Variants in LRRIQ1 observed in about 807,000 individuals in gnomAD.
LRRIQ1 encodes leucine rich repeats and IQ motif containing 1.
In LRRIQ1, 210 loss-of-function variants were observed where a neutral mutation model predicts 211.9. The observed-to-expected ratio is 0.99, with a 90% CI of 0.89 to 1.11. The LOEUF (loss-of-function observed/expected upper bound fraction) is 1.11, where lower values mean the gene tolerates loss of function less well. LRRIQ1 is among the 50% of genes most tolerant of loss of function. LRRIQ1 has a pLI of 0.00. For missense variants in LRRIQ1, 2,136 were observed against 1,939.5 expected, an observed-to-expected ratio of 1.10 and a Z score of -1.90; for synonymous variants, 699 against 650.1, an observed-to-expected ratio of 1.08 and a Z score of -1.14.
chr12:85,211,007 C>T (rs1592975548), intron 24 of LRRIQ1, among the ~76,000 whole-genome samples: 1 of 152,182 alleles, frequency 6.6e-6, no homozygotes, highest in South Asian at 2.1e-4. Flanking sequence ...CTTCACTTTA[C>T]CTTTGTAGAA....
At chr12:85,160,855 A>T in intron 24 of LRRIQ1, 141 bp downstream of exon 24, 1 of 347,058 alleles carries the variant, frequency 2.9e-6, no homozygotes, top group Admixed American at 4.6e-5. Context: ...AATAACTCAA[A>T]ATATGGCTCT....
the LRRIQ1 span, among the ~76,000 whole-genome samples, chr12:85,271,421 T>C: frequency 1.3e-5 from 2 of 152,194 alleles, no homozygotes; most frequent in African/African-American, 4.8e-5. Flanking sequence ...AATCACTCTT[T>C]CTTATGTCTT....
At chr12:85,194,574 C>G (rs1892786522) in intron 24 of LRRIQ1, among the ~76,000 whole-genome samples, 2 of 150,976 alleles carry the variant, frequency 1.3e-5, no homozygotes, top group African/African-American at 4.9e-5. Context: ...TGAATGACTA[C>G]TGGGTACATA....
At chr12:85,219,136 G>T (rs1894287141) in intron 24 of LRRIQ1, among the ~76,000 whole-genome samples, 1 of 151,954 alleles carries the variant, frequency 6.6e-6, no homozygotes, top group South Asian at 2.1e-4. Flanking sequence ...AGCAACCTAG[G>T]ATTTTCCTGA....
At chr12:85,266,231 A>C (rs905402568), downstream of LRRIQ1, among the ~76,000 whole-genome samples, 1 of 152,090 alleles carries the variant, frequency 6.6e-6, no homozygotes, top group African/African-American at 2.4e-5. Flanking sequence ...AGAGTTATTA[A>C]TTATTCAAAT....
At chr12:85,268,256 T>G (rs1593040659), downstream of LRRIQ1, among the ~76,000 whole-genome samples, 1 of 152,108 alleles carries the variant, frequency 6.6e-6, no homozygotes, top group East Asian at 1.9e-4. Flanking sequence ...ATCTTAAGCC[T>G]CTTCCATTGT....
intron 15 of LRRIQ1, among the ~76,000 whole-genome samples, chr12:85,110,246 A>T (rs1388962383): frequency 2.0e-5 from 3 of 152,236 alleles, no homozygotes; most frequent in African/African-American, 7.2e-5. Flanking sequence ...GTAACCCATA[A>T]TTTTAAGACA....
Position 85,057,174 on chromosome 12 carries a change from C to A in LRRIQ1, c.2381C>A (p.Thr794Asn). 6 of 1,457,080 alleles carry A rather than the reference C, an allele frequency of 4.1e-6. No homozygotes were observed. Among genetic ancestry groups the A allele is most frequent in the Non-Finnish European group, 5.5e-6 (6 of 1,095,588 alleles). The allele number at this position is 1,457,080 out of a possible 1,614,324, so 90.3% of individuals were successfully genotyped here. A position where few individuals can be genotyped will look rare whatever the true frequency, so the allele number is the denominator to read the frequency against. ...LEILRCGPWD[T>N]LQQVTTVTFQ... ...ATTCTTCGATGTGGCCCTTGGGATA[C>A]TTTACAGCAGGTATTTCTAATTTTA... Residue 794 changes from threonine (T) to asparagine (N), a missense_variant, in exon 8 of 27, where the codon ACT (threonine) becomes AAT (asparagine). Coordinates refer to ENST00000393217, the MANE Select transcript of LRRIQ1 (RefSeq NM_001079910.2).
intron 11 of LRRIQ1, among the ~76,000 whole-genome samples, chr12:85,081,358 A>G (rs1884263450): frequency 6.6e-6 from 1 of 151,808 alleles, no homozygotes; most frequent in Non-Finnish European, 1.5e-5. Flanking sequence ...ACTGTCCTTC[A>G]TTACCTAGTC....
At chr12:85,049,496 T>C (rs1044372743) in intron 6 of LRRIQ1, among the ~76,000 whole-genome samples, 2 of 152,182 alleles carry the variant, frequency 1.3e-5, no homozygotes, top group African/African-American at 4.8e-5. Context: ...AACCTACACC[T>C]GCTTTTTCTA....
At chr12:85,206,844 G>A (rs1187796972) in intron 24 of LRRIQ1, among the ~76,000 whole-genome samples, 2 of 152,098 alleles carry the variant, frequency 1.3e-5, no homozygotes, top group African/African-American at 4.8e-5. Context: ...CAGGTCAAAC[G>A]GGCCTCATCT....
At chr12:85,217,917 C>T (rs1894232606) in intron 24 of LRRIQ1, among the ~76,000 whole-genome samples, 1 of 151,058 alleles carries the variant, frequency 6.6e-6, no homozygotes, top group Admixed American at 6.6e-5. Context: ...TTGAGCGGGC[C>T]CTAGTTTGGA....
chr12:85,237,739 A>G (rs1397360624), intron 26 of LRRIQ1, among the ~76,000 whole-genome samples: 1 of 152,118 alleles, frequency 6.6e-6, no homozygotes, highest in Non-Finnish European at 1.5e-5. Context: ...ACATAAATGT[A>G]AGCCTCAAAA....
At chr12:85,047,665 G>T in intron 6 of LRRIQ1, 195 bp downstream of exon 6, 1 of 487,890 alleles carries the variant, frequency 2.0e-6, no homozygotes, top group Non-Finnish European at 3.7e-6. Flanking sequence ...TTCATTGGAA[G>T]GTCAGACACA....
chr12:85,083,621 G>A (rs1379468506), intron 11 of LRRIQ1, among the ~76,000 whole-genome samples: 2 of 151,968 alleles, frequency 1.3e-5, no homozygotes, highest in East Asian at 3.9e-4. Flanking sequence ...TGTATTTTCA[G>A]TAGGGACGGG....
At chr12:85,230,426 G>A (rs1894875693) in intron 25 of LRRIQ1, among the ~76,000 whole-genome samples, 1 of 152,282 alleles carries the variant, frequency 6.6e-6, no homozygotes, top group African/African-American at 2.4e-5. Context: ...TGTGGACTGT[G>A]TTGTCTTTGT....
exon 2 of LRRIQ1, chr12:85,263,140 AC>A (rs1300175250): frequency 1.1e-6 from 1 of 880,166 alleles, no homozygotes; most frequent in African/African-American, 1.8e-5. Context: ...CCAACTGGAT[AC>A]AAGGTTTTAG....
At chr12:85,251,158 G>A (rs940352180) in intron 1 of LRRIQ1, among the ~76,000 whole-genome samples, 12 of 149,998 alleles carry the variant, frequency 8.0e-5, no homozygotes, top group Non-Finnish European at 1.3e-4. Context: ...TGGACCACAT[G>A]AAGTCCAAGT....
At chr12:85,077,423 A>T (rs1330816618) in intron 11 of LRRIQ1, among the ~76,000 whole-genome samples, 1 of 152,228 alleles carries the variant, frequency 6.6e-6, no homozygotes, top group Non-Finnish European at 1.5e-5. Flanking sequence ...ACAATATTTA[A>T]GCAAGTCTTT....
Sources: allele counts gnomAD v4.1 joint callset (sites outside exome capture counted in the v4.1 genomes callset), GRCh38; gene constraint gnomAD v4.1.1; transcripts MANE v1.5; gene names NCBI Gene and HGNC (gene_info 2026-07-23, HGNC 2026-07-21).